G3BP2: variants seen among roughly 807,000 people sequenced by gnomAD.
The protein encoded by G3BP2 is G3BP stress granule assembly factor 2.
Under a neutral mutation model 56.7 loss-of-function variants are expected in G3BP2, and 11 were observed. That is an observed-to-expected ratio of 0.19 (90% CI 0.12 to 0.32). The LOEUF (loss-of-function observed/expected upper bound fraction) is 0.32, where lower values mean the gene tolerates loss of function less well. G3BP2 is among the 10% of genes least tolerant of loss of function. G3BP2 has a pLI of 1.00. For missense variants in G3BP2, 340 were observed against 610.9 expected (o/e 0.56, Z 4.67); for synonymous variants, 165 against 191.6 (o/e 0.86, Z 1.15).
Position 75,643,295 on chromosome 4 carries a change from T to TTATATATATATATATATATA in G3BP2, c.*2115_*2134dup, listed in dbSNP as rs6148524. The TTATATATATATATATATATA allele has an allele frequency of 7.4e-3, 742 of 99,776 alleles. 47 individuals carry two copies. Among genetic ancestry groups the TTATATATATATATATATATA allele is most frequent in the African/African-American group, 0.013 (298 of 23,724 alleles). The allele number at this position is 99,776 out of a possible 1,614,324, so 6.2% of individuals were successfully genotyped here. Reference sequence around the variant, plus strand: ...GCAGGGCAATATCCTGAATTGGAAATTATATATATATATATATATATGGAA... The same window carrying TTATATATATATATATATATA: ...GCAGGGCAATATCCTGAATTGGAAATTATATATATATATATATATATATATATATATATATATATATGGAA... On this transcript the variant is annotated 3_prime_UTR_variant, in exon 12 of 12. Transcript: ENST00000359707.
At chr4:75,703,578 G>T (rs1719428538) in intron 3 of G3BP2, among the ~76,000 whole-genome samples, 1 of 152,148 alleles carries the variant, frequency 6.6e-6, no homozygotes, top group Non-Finnish European at 1.5e-5. Flanking sequence ...AGACAAACAG[G>T]GTTTTTAGCC....
intron 1 of G3BP2, 121 bp from the exon 2 acceptor site, chr4:75,662,170 C>T: frequency 1.7e-6 from 1 of 588,398 alleles, no homozygotes; most frequent in Non-Finnish European, 3.1e-6. Context: ...TTTAGTGACA[C>T]TAATGTTAAT....
chr4:75,716,349 A>G (rs1212876034), intron 3 of G3BP2, among the ~76,000 whole-genome samples: 2 of 151,672 alleles, frequency 1.3e-5, no homozygotes, highest in Non-Finnish European at 2.9e-5. Flanking sequence ...AATTTTTTGT[A>G]TTTTTAGTAG....
chr4:75,671,707 G>A (rs1329997565), intron 1 of G3BP2, among the ~76,000 whole-genome samples: 1 of 152,092 alleles, frequency 6.6e-6, no homozygotes, highest in Admixed American at 6.5e-5. Flanking sequence ...AGTTTGTAAA[G>A]ATTAAATCAT....
At chr4:75,656,895 C>G (rs748307674) in intron 5 of G3BP2, 29 bp downstream of exon 5, 1 of 1,030,330 alleles carries the variant, frequency 9.7e-7, no homozygotes, top group South Asian at 1.3e-5. Context: ...CAGAACCCTT[C>G]TATCTTCATA....
chr4:75,663,814 G>A (rs183306354), intron 1 of G3BP2, among the ~76,000 whole-genome samples: 261 of 4,004 alleles, frequency 0.065, no homozygotes, highest in African/African-American at 0.15. Flanking sequence ...AACCAAGATC[G>A]CGCCAGTGCA....
intron 3 of G3BP2, among the ~76,000 whole-genome samples, chr4:75,687,725 C>T (rs1299939262): frequency 2.6e-5 from 4 of 152,134 alleles, no homozygotes; most frequent in African/African-American, 9.7e-5. Context: ...TTAACCATGC[C>T]CTGAGAGTGA....
intron 3 of G3BP2, among the ~76,000 whole-genome samples, chr4:75,711,399 G>A (rs1440970262): frequency 6.6e-6 from 1 of 151,380 alleles, no homozygotes; most frequent in Non-Finnish European, 1.5e-5. Flanking sequence ...ACCATATAGT[G>A]TGAGGAAAAT....
At chr4:75,696,212 G>A (rs936635999) in intron 3 of G3BP2, among the ~76,000 whole-genome samples, 24 of 152,254 alleles carry the variant, frequency 1.6e-4, no homozygotes, top group African/African-American at 5.5e-4. Context: ...GAGAGTAGGT[G>A]TTGAGGAAGT....
At chr4:75,720,470 C>G (rs1209227569) in intron 3 of G3BP2, among the ~76,000 whole-genome samples, 1 of 149,294 alleles carries the variant, frequency 6.7e-6, no homozygotes, top group Non-Finnish European at 1.5e-5. Context: ...TCACTGCACT[C>G]CAGCCTGGGC....
At chr4:75,678,294 G>C (rs1169324215), upstream of G3BP2, among the ~76,000 whole-genome samples, 1 of 134,112 alleles carries the variant, frequency 7.5e-6, no homozygotes, top group East Asian at 2.2e-4. Context: ...ACCGTGCCTA[G>C]CTTGTGTGTG....
chr4:75,677,839 T>C (rs1480248682), upstream of G3BP2, among the ~76,000 whole-genome samples: 1 of 152,212 alleles, frequency 6.6e-6, no homozygotes, highest in Non-Finnish European at 1.5e-5. Flanking sequence ...AAAATTCATG[T>C]TGAAACTTAA....
chr4:75,646,534 T>C, intron 10 of G3BP2, 78 bp from the exon 11 acceptor site: 1 of 862,220 alleles, frequency 1.2e-6, no homozygotes, highest in East Asian at 2.5e-5. Context: ...TCAGGATGAA[T>C]ATCGTTATCT....
Position 75,694,469 on chromosome 4 carries a change from T to C in G3BP2, c.-25+26408A>G, listed in dbSNP as rs138878677. Among the ~76,000 whole-genome samples the C allele has an allele frequency of 3.9e-3, 590 of 152,308 alleles. 4 individuals are homozygous for C. Among genetic ancestry groups the C allele is most frequent in the African/African-American group, 0.013 (545 of 41,578 alleles). On this transcript the variant is annotated intron_variant, in intron 3 of 3. Coordinates refer to the G3BP2 transcript ENST00000499709. ...TACAAAAAAAATTAGCCGGGCGTGGTGGCGGGCGCCTGTAGTCCCAGCTGT... is the reference window on the plus strand; with the variant it reads ...TACAAAAAAAATTAGCCGGGCGTGGCGGCGGGCGCCTGTAGTCCCAGCTGT...
intron 3 of G3BP2, among the ~76,000 whole-genome samples, 181 bp downstream of exon 3, chr4:75,658,662 G>C (rs546732410): frequency 6.6e-6 from 1 of 151,866 alleles, no homozygotes; most frequent in African/African-American, 2.4e-5. Context: ...GGGAGGCGGA[G>C]GTTGTGGTGA....
intron 3 of G3BP2, among the ~76,000 whole-genome samples, chr4:75,706,118 C>T (rs1288582956): frequency 6.6e-6 from 1 of 152,132 alleles, no homozygotes; most frequent in Non-Finnish European, 1.5e-5. Context: ...GATATAGGCT[C>T]ACAGAGGTTA....
intron 8 of G3BP2, chr4:75,648,961 A>T: frequency 2.8e-6 from 1 of 359,920 alleles, no homozygotes; most frequent in Non-Finnish European, 5.1e-6. Flanking sequence ...AATGCTGTGT[A>T]ACTCACAATA....
chr4:75,661,389 A>G (rs1721725847), intron 2 of G3BP2: 1 of 152,138 alleles, frequency 6.6e-6, no homozygotes, highest in African/African-American at 2.4e-5. Context: ...TCAGCCTCCC[A>G]AAGCGTTGGG....
rs114920275 is a variant in G3BP2 at position 75,688,761 on chromosome 4, T to C, written c.-24-26712A>G. 1.2e-3 allele frequency among the ~76,000 whole-genome samples: 184 copies of C among 152,318 alleles called. 1 individual carries two copies. The highest frequency in any genetic ancestry group is 4.3e-3 in the African/African-American group (178 of 41,570). On this transcript the variant is annotated intron_variant, in intron 3 of 3. Coordinates refer to the G3BP2 transcript ENST00000499709. ...GATTTCTGTAAAAACTACTTTGCCATGTTTAGCAAGAATTCCACTAGCTCG... is the reference window on the plus strand; with the variant it reads ...GATTTCTGTAAAAACTACTTTGCCACGTTTAGCAAGAATTCCACTAGCTCG...
Sources: allele counts gnomAD v4.1 joint callset (sites outside exome capture counted in the v4.1 genomes callset), GRCh38; gene constraint gnomAD v4.1.1; transcripts MANE v1.5; gene names NCBI Gene and HGNC (gene_info 2026-07-23, HGNC 2026-07-21).